CHD4: variants seen among roughly 807,000 people sequenced by gnomAD.
The protein encoded by CHD4 is ATP-dependent chromatin remodeler CHD4.
A neutral mutation model predicts 235.5 loss-of-function variants in CHD4; 35 were observed. The observed-to-expected ratio is 0.15, with a 90% CI of 0.11 to 0.20. The LOEUF (loss-of-function observed/expected upper bound fraction) is 0.20, where lower values mean the gene tolerates loss of function less well. CHD4 is among the 10% of genes least tolerant of loss of function. The pLI is 1.00. For synonymous variants in CHD4, 900 were observed against 850.2 expected, an observed-to-expected ratio of 1.06 and a Z score of -1.02; for missense variants, 1,329 against 2,432.3, an observed-to-expected ratio of 0.55 and a Z score of 9.54.
At chr12:6,580,884 G>A (rs751336784) in intron 33 of CHD4, 160 bp downstream of exon 33, 59 of 752,228 alleles carry the variant, frequency 7.8e-5, no homozygotes, top group Admixed American at 2.0e-4. Context: ...GCGTCTGTCT[G>A]TAATCCCAGC....
At chr12:6,601,266 C>T (rs746420431) in intron 6 of CHD4, 23 bp downstream of exon 6, 1 of 1,609,542 alleles carries the variant, frequency 6.2e-7, no homozygotes, top group Non-Finnish European at 8.5e-7. Flanking sequence ...GACACCCCCA[C>T]TCCCATTTGA....
chr12:6,604,885 G>A (rs920618514), intron 2 of CHD4, among the ~76,000 whole-genome samples: 3 of 152,128 alleles, frequency 2.0e-5, no homozygotes, highest in African/African-American at 7.2e-5. Flanking sequence ...AGGCCAAGAC[G>A]TGGAACCCAG....
rs1369025420 is a variant in CHD4 at position 6,593,377 on chromosome 12, C to T, written c.2514+39G>A. On this transcript the variant is annotated intron_variant, in intron 16 of 39. Coordinates refer to ENST00000544040, the MANE Select transcript of CHD4 (RefSeq NM_001273.5). This position sits in a 1 kb window ranked among gnomAD's most constrained non-coding sequence, Gnocchi z 4.9. ...AGGAGGTAAACTAAGCCAGAAGCCACAACTCTTTCTCTAGGGTGGCTTCCC... is the reference window on the plus strand; with the variant it reads ...AGGAGGTAAACTAAGCCAGAAGCCATAACTCTTTCTCTAGGGTGGCTTCCC... 7 of 1,608,716 alleles carry T rather than the reference C, an allele frequency of 4.4e-6. No homozygotes were observed. The highest frequency in any genetic ancestry group is 6.0e-6 in the Non-Finnish European group (7 of 1,175,826).
intron 37 of CHD4, among the ~76,000 whole-genome samples, chr12:6,576,037 C>T (rs1948064734): frequency 2.0e-5 from 3 of 152,070 alleles, no homozygotes; most frequent in South Asian, 2.1e-4. Flanking sequence ...TACTCCAATT[C>T]CCTCTCGAGA....
Position 6,581,948 on chromosome 12 carries a change from G to A in CHD4, c.4516-134C>T, listed in dbSNP as rs2136202306. On this transcript the variant is annotated intron_variant, in intron 30 of 39. Coordinates refer to ENST00000544040, the MANE Select transcript of CHD4 (RefSeq NM_001273.5). ...CTTCTGAGTAGCTGGGAATACAGGT[G>A]CCCGCCACCACGTGCAGCTAATTTT... is the stretch of plus-strand genomic sequence containing the variant. 2.5e-6 allele frequency: 3 copies of A among 1,195,568 alleles called. No homozygotes were observed. The East Asian group carries it at 7.9e-5, about 31-fold the overall frequency. 74.1% of individuals were successfully genotyped at this position (1,195,568 alleles called of 1,614,324 possible). A position where few individuals can be genotyped will look rare whatever the true frequency, so the allele number is the denominator to read the frequency against.
At chr12:6,585,718 G>A (rs937460785) in intron 25 of CHD4, among the ~76,000 whole-genome samples, 13 of 151,180 alleles carry the variant, frequency 8.6e-5, no homozygotes, top group Admixed American at 5.3e-4. Context: ...GAACCCGGGA[G>A]GCGGAGGTTG....
rs548879139 is a variant in CHD4 at position 6,581,631 on chromosome 12, T to C, written c.4681+18A>G. On this transcript the variant is annotated intron_variant, in intron 31 of 39. Transcript: ENST00000544040. ...ACAAAAAGAGAGGGACAGAAAATGATAGGACAGGCAGACTTACCAGCAGGT... is the reference window on the plus strand; with the variant it reads ...ACAAAAAGAGAGGGACAGAAAATGACAGGACAGGCAGACTTACCAGCAGGT... The C allele has an allele frequency of 3.1e-6, 5 of 1,614,026 alleles. No homozygotes were observed. In the East Asian group the frequency reaches 8.9e-5, roughly 29 times the overall value.
At chr12:6,600,496 A>C (rs757595830) in intron 8 of CHD4, 38 bp downstream of exon 8, 22 of 1,553,606 alleles carry the variant, frequency 1.4e-5, no homozygotes, top group Non-Finnish European at 6.9e-6. Flanking sequence ...AATCACTCCC[A>C]CCTCATCCCA....
intron 30 of CHD4, 150 bp downstream of exon 30, chr12:6,581,987 G>C: frequency 1.8e-6 from 2 of 1,117,938 alleles, no homozygotes; most frequent in Non-Finnish European, 2.5e-6. Flanking sequence ...ATTTTTAGTA[G>C]AGATGGGGTT....
chr12:6,600,223 T>G lies in CHD4; in HGVS notation c.1236A>C (p.Pro412=), dbSNP rs764937999. ...ACAATGGCCAGACACTCACGCAGTG[T>G]GGGCAGCTCCACTTGCCCTCGGGAG... ...EKAPEGKWSC[P]HCEKEGIQWE... Residue 412 remains proline, a synonymous_variant, in exon 9 of 40, where the codon CCA becomes CCC. Coordinates refer to ENST00000544040, the MANE Select transcript of CHD4 (RefSeq NM_001273.5). The G allele has an allele frequency of 6.2e-7, 1 of 1,613,916 alleles. No individual in the cohort carries two copies. Among genetic ancestry groups the G allele is most frequent in the African/African-American group, 1.3e-5 (1 of 74,902 alleles).
At chr12:6,600,774 G>T in intron 7 of CHD4, 105 bp from the exon 8 acceptor site, 1 of 1,527,722 alleles carries the variant, frequency 6.5e-7, no homozygotes. Flanking sequence ...ATCCCAGCAA[G>T]CACCGTTATA....
Position 6,587,803 on chromosome 12 carries a change from G to A in CHD4, c.3612C>T (p.Gly1204=). The part of the protein sequence containing the change: ...LTHLVVRPGL[G]SKTGSMSKQE... ...GTTTGGACATAGATCCAGTCTTGGA[G>A]CCCAGCCCAGGCCGCACCACTAGAT... Residue 1204 remains glycine, a synonymous_variant, in exon 24 of 40, where the codon GGC becomes GGT. Transcript: ENST00000544040. 6.2e-7 allele frequency: 1 copy of A among 1,614,180 alleles called. No homozygotes were observed. Among genetic ancestry groups the A allele is most frequent in the Non-Finnish European group, 8.5e-7 (1 of 1,180,042 alleles).
intron 2 of CHD4, among the ~76,000 whole-genome samples, chr12:6,604,465 A>G (rs371892773): frequency 2.0e-5 from 3 of 152,078 alleles, no homozygotes; most frequent in African/African-American, 7.2e-5. Context: ...GACCAGGCAC[A>G]AGAACGCCCC....
chr12:6,593,437 G>T lies in CHD4; in HGVS notation c.2493C>A (p.Gly831=). ...ATACCTTCATGCGGGAGGCCTTCTT[G>T]CCACCACGAATGGCATTGTCTTCAA... ...FSFEDNAIRG[G]KKASRMKKEA... Residue 831 remains glycine, a synonymous_variant, in exon 16 of 40, where the codon GGC becomes GGA. Coordinates refer to ENST00000544040, the MANE Select transcript of CHD4 (RefSeq NM_001273.5). The surrounding 1 kb of genome is among the most constrained non-coding windows in gnomAD (Gnocchi z 4.9). 1 of 1,614,158 alleles carries T rather than the reference G, an allele frequency of 6.2e-7. No individual in the cohort carries two copies. Among genetic ancestry groups the T allele is most frequent in the Non-Finnish European group, 8.5e-7 (1 of 1,180,022 alleles).
chr12:6,595,446 A>T lies in CHD4; in HGVS notation c.2025-16T>A. 6.2e-7 allele frequency: 1 copy of T among 1,608,290 alleles called. No individual in the cohort carries two copies. The highest frequency in any genetic ancestry group is 8.5e-7 in the Non-Finnish European group (1 of 1,175,114). ...CATTAACTCCCTAAAGAAGAAAGACATCACACAGCTGCCCAAAATCCTTTT... is the reference window on the plus strand; with the variant it reads ...CATTAACTCCCTAAAGAAGAAAGACTTCACACAGCTGCCCAAAATCCTTTT... On this transcript the variant is annotated splice_polypyrimidine_tract_variant and intron_variant, in intron 13 of 39. Transcript: ENST00000544040.
At chr12:6,603,567 G>A (rs981599589) in intron 2 of CHD4, among the ~76,000 whole-genome samples, 22 of 122,520 alleles carry the variant, frequency 1.8e-4, no homozygotes, top group East Asian at 7.1e-4. Flanking sequence ...GTGGGGTGGC[G>A]GGGGGGGAGA....
intron 38 of CHD4, 119 bp downstream of exon 38, chr12:6,572,955 G>C (rs1358260633): frequency 4.2e-6 from 4 of 957,920 alleles, no homozygotes; most frequent in Non-Finnish European, 6.2e-6. Context: ...AAGATCCCTA[G>C]CACCTCCTAA....
chr12:6,587,316 C>T (rs1948317089), intron 25 of CHD4, 68 bp downstream of exon 25: 1 of 1,505,102 alleles, frequency 6.6e-7, no homozygotes, highest in Non-Finnish European at 9.1e-7. Context: ...TCTCAAATAC[C>T]ACCTTGGTCT....
chr12:6,588,987 C>T (rs1341393989), intron 22 of CHD4, among the ~76,000 whole-genome samples: 1 of 152,080 alleles, frequency 6.6e-6, no homozygotes, highest in Non-Finnish European at 1.5e-5. Flanking sequence ...GTGACTCACA[C>T]CTGTAACCCC....
Sources: gnomAD v4.1 joint callset for allele counts (sites outside exome capture counted in the v4.1 genomes callset) on GRCh38, gnomAD v4.1.1 for gene constraint, Gnocchi (gnomAD v3.1) non-coding constraint, MANE v1.5 for transcripts, NCBI Gene and HGNC (gene_info 2026-07-23, HGNC 2026-07-21) for gene names.